The following TNFRSF11B variants were observed in gnomAD, a reference collection of about 807,000 sequenced individuals.
TNFRSF11B encodes the protein tumor necrosis factor receptor superfamily member 11B.
A neutral mutation model predicts 43.4 loss-of-function variants in TNFRSF11B; 16 were observed. The ratio of observed to expected loss-of-function variants is 0.37; its 90% CI spans 0.25 to 0.56. The LOEUF (loss-of-function observed/expected upper bound fraction) is 0.56, where lower values mean the gene tolerates loss of function less well. TNFRSF11B is among the 20% of genes least tolerant of loss of function. The pLI, the probability that TNFRSF11B is intolerant of heterozygous loss-of-function variation, is 0.80. For missense variants in TNFRSF11B, 444 were observed against 490.1 expected, an observed-to-expected ratio of 0.91 and a Z score of 0.89; for synonymous variants, 185 against 181.8, an observed-to-expected ratio of 1.02 and a Z score of -0.14.
chr8:118,945,856 A>G (rs1031641020), intron 1 of TNFRSF11B, among the ~76,000 whole-genome samples: 9 of 152,116 alleles, frequency 5.9e-5, no homozygotes, highest in Non-Finnish European at 1.2e-4. Flanking sequence ...ATTCATCTTG[A>G]CACCTATTTT....
At chr8:118,944,029 T>C (rs1180781727) in intron 1 of TNFRSF11B, among the ~76,000 whole-genome samples, 1 of 152,126 alleles carries the variant, frequency 6.6e-6, no homozygotes, top group African/African-American at 2.4e-5. Flanking sequence ...TTGAAGAATC[T>C]AAAATCACAG....
At chr8:118,947,764 C>T (rs1396511316) in intron 1 of TNFRSF11B, among the ~76,000 whole-genome samples, 1 of 152,158 alleles carries the variant, frequency 6.6e-6, no homozygotes, top group African/African-American at 2.4e-5. Context: ...ACTCTAGCAA[C>T]ATTTGTTCAC....
At chr8:118,946,393 C>T (rs903916115) in intron 1 of TNFRSF11B, among the ~76,000 whole-genome samples, 2 of 152,020 alleles carry the variant, frequency 1.3e-5, no homozygotes, top group African/African-American at 4.8e-5. Flanking sequence ...TTTTTTTAGA[C>T]TTTCTCTGCT....
chr8:118,940,375 CTT>C (rs1812470713), intron 1 of TNFRSF11B, among the ~76,000 whole-genome samples: 1 of 152,146 alleles, frequency 6.6e-6, no homozygotes, highest in Non-Finnish European at 1.5e-5. Flanking sequence ...AAGTGCACAG[CTT>C]GGCAATTTGG....
chr8:118,946,221 G>A (rs765065015), intron 1 of TNFRSF11B, among the ~76,000 whole-genome samples: 2 of 152,112 alleles, frequency 1.3e-5, no homozygotes, highest in Non-Finnish European at 2.9e-5. Context: ...ATGCCAACTT[G>A]TAGATGGAAA....
chr8:118,942,789 G>A (rs373250563), intron 1 of TNFRSF11B, among the ~76,000 whole-genome samples: 2 of 152,190 alleles, frequency 1.3e-5, no homozygotes, highest in African/African-American at 2.4e-5. Context: ...ATCCTATCCC[G>A]TCTGAACCTA....
rs1361606473 is a variant in TNFRSF11B, at chr8:118,924,020, C to T, written c.*354G>A. The T allele has an allele frequency of 1.0e-5, 2 of 199,374 alleles. No individual in the cohort carries two copies. The highest frequency in any genetic ancestry group is 2.4e-5 in the African/African-American group (1 of 42,304). 12.4% of individuals were successfully genotyped at this position (199,374 alleles called of 1,614,324 possible). ...AAATATGGCTTTCTAATAAAAGCCT[C>T]TAGCATAGCTGAAATCTCAAAGCTA... is the stretch of plus-strand genomic sequence containing the variant. On this transcript the variant is annotated 3_prime_UTR_variant, in exon 5 of 5. Coordinates refer to ENST00000297350, the MANE Select transcript of TNFRSF11B (RefSeq NM_002546.4).
At chr8:118,941,186 G>A (rs1812479475) in intron 1 of TNFRSF11B, among the ~76,000 whole-genome samples, 1 of 152,092 alleles carries the variant, frequency 6.6e-6, no homozygotes, top group East Asian at 1.9e-4. Flanking sequence ...TGTTCCATTT[G>A]TTCTTAACTT....
chr8:118,937,904 A>G (rs1447705680), intron 1 of TNFRSF11B, among the ~76,000 whole-genome samples: 2 of 152,236 alleles, frequency 1.3e-5, no homozygotes, highest in Non-Finnish European at 2.9e-5. Flanking sequence ...GTTTAGTTGT[A>G]TCTCAAAATA....
At chr8:118,936,275 C>T (rs573506456) in intron 1 of TNFRSF11B, among the ~76,000 whole-genome samples, 2 of 152,256 alleles carry the variant, frequency 1.3e-5, no homozygotes, top group East Asian at 3.9e-4. Flanking sequence ...GGAATAATCA[C>T]ATATATTTTT....
Position 118,924,358 on chromosome 8 carries a change from C to T in TNFRSF11B, c.*16G>A. On this transcript the variant is annotated 3_prime_UTR_variant, in exon 5 of 5. Coordinates refer to ENST00000297350, the MANE Select transcript of TNFRSF11B (RefSeq NM_002546.4). The stretch of plus-strand genomic sequence containing the variant: ...TCTCGCCAATTGTGAGGAAACAGCT[C>T]AATGGCCATTTCCAGTTATAAGCAG... 2 of 1,613,592 alleles carry T rather than the reference C, an allele frequency of 1.2e-6. No homozygotes were observed. Among genetic ancestry groups the T allele is most frequent in the Non-Finnish European group, 1.7e-6 (2 of 1,179,814 alleles).
chr8:118,939,340 GAATAAGTT>G (rs1812445579), intron 1 of TNFRSF11B, among the ~76,000 whole-genome samples: 1 of 152,090 alleles, frequency 6.6e-6, no homozygotes. Flanking sequence ...AAGTGGAGTT[GAATAAGTT>G]AATGTAAGCA....
At chr8:118,928,145 C>G (rs575274799) in intron 3 of TNFRSF11B, among the ~76,000 whole-genome samples, 1 of 152,156 alleles carries the variant, frequency 6.6e-6, no homozygotes, top group Admixed American at 6.5e-5. Flanking sequence ...TGCCTCAGCC[C>G]TGAGTAGCTG....
chr8:118,924,460 T>C lies in TNFRSF11B; in HGVS notation c.1120A>G (p.Ser374Gly). Residue 374 changes from serine to glycine, a missense_variant, in exon 5 of 5, where the codon AGC (serine) becomes GGC (glycine). Coordinates refer to ENST00000297350, the MANE Select transcript of TNFRSF11B (RefSeq NM_002546.4). ...TGATACAATTTGTACATTGTGAAGC[T>C]GTGAAGGAACCTGATGGTCTTCTTT... is the stretch of plus-strand genomic sequence containing the variant. ...SLKKTIRFLH[S>G]FTMYKLYQKL... 2 of 1,614,132 alleles carry C rather than the reference T, an allele frequency of 1.2e-6. No individual in the cohort carries two copies. The highest frequency in any genetic ancestry group is 3.3e-4 in the Middle Eastern group (2 of 6,062).
intron 2 of TNFRSF11B, 63 bp downstream of exon 2, chr8:118,932,868 A>G: frequency 1.2e-6 from 2 of 1,607,344 alleles, no homozygotes; most frequent in South Asian, 2.2e-5. Flanking sequence ...GTGTTCTCCT[A>G]AACTGTCACA....
chr8:118,924,104 A>C lies in TNFRSF11B; in HGVS notation c.*270T>G. On this transcript the variant is annotated 3_prime_UTR_variant, in exon 5 of 5. Coordinates refer to ENST00000297350, the MANE Select transcript of TNFRSF11B (RefSeq NM_002546.4). ...CAATGGAGTCTAGTTTTTTTTTTTT[A>C]ATTTCCAGTTGAATTACTGCAAGCA... 1 of 300,956 alleles carries C rather than the reference A, an allele frequency of 3.3e-6. No individual in the cohort carries two copies. The highest frequency in any genetic ancestry group is 6.2e-6 in the Non-Finnish European group (1 of 161,028). The allele number at this position is 300,956 out of a possible 1,614,324, so 18.6% of individuals were successfully genotyped here. A position where few individuals can be genotyped will look rare whatever the true frequency, so the allele number is the denominator to read the frequency against.
chr8:118,937,622 A>G (rs1028986615), intron 1 of TNFRSF11B, among the ~76,000 whole-genome samples: 4 of 152,246 alleles, frequency 2.6e-5, no homozygotes, highest in African/African-American at 9.6e-5. Context: ...TTCTATGAAA[A>G]GTAAATGGAA....
chr8:118,941,757 AAAG>A (rs1812491422), intron 1 of TNFRSF11B, among the ~76,000 whole-genome samples: 1 of 152,220 alleles, frequency 6.6e-6, no homozygotes, highest in Non-Finnish European at 1.5e-5. Flanking sequence ...ATCTCTGAGA[AAAG>A]AGAACTTGTA....
Position 118,924,087 on chromosome 8 carries a change from T to A in TNFRSF11B, c.*287A>T. 2 of 305,382 alleles carry A rather than the reference T, an allele frequency of 6.5e-6. No homozygotes were observed. Among genetic ancestry groups the A allele is most frequent in the South Asian group, 4.8e-5 (1 of 20,996 alleles). 18.9% of individuals were successfully genotyped at this position (305,382 alleles called of 1,614,324 possible). A position where few individuals can be genotyped will look rare whatever the true frequency, so the allele number is the denominator to read the frequency against. On this transcript the variant is annotated 3_prime_UTR_variant, in exon 5 of 5. Transcript: ENST00000297350. ...CCATATTTAGTAAGGCACAATGGAG[T>A]CTAGTTTTTTTTTTTTAATTTCCAG...
Sources: allele counts gnomAD v4.1 joint callset (sites outside exome capture counted in the v4.1 genomes callset), GRCh38; gene constraint gnomAD v4.1.1; transcripts MANE v1.5; gene names NCBI Gene and HGNC (gene_info 2026-07-23, HGNC 2026-07-21).